DUOX2: variants seen among roughly 807,000 people sequenced by gnomAD.
DUOX2 encodes NADH/NADPH thyroid oxidase p138-tox.
Under a neutral mutation model 183.3 loss-of-function variants are expected in DUOX2, and 185 were observed. The ratio of observed to expected loss-of-function variants is 1.01; its 90% CI spans 0.90 to 1.14. The LOEUF is 1.14. Among genes scored for constraint, DUOX2 ranks in the 50% most tolerant of loss-of-function variants. The probability of loss-of-function intolerance (pLI) is 0.00; values close to 1 mark genes in which losing one functional copy is unlikely to be tolerated. For synonymous variants in DUOX2, 788 were observed against 812.4 expected (o/e 0.97, Z 0.51); for missense variants, 1,999 against 2,022.9 (o/e 0.99, Z 0.23).
In DUOX2 at chr15:45,105,797, C is replaced by T. The variant is rs988738888; in HGVS notation, c.2180G>A (p.Gly727Asp). Residue 727 changes from glycine (G) to aspartate (D), a missense_variant, in exon 18 of 34, where the codon GGC becomes GAC. Physicochemically the swap from Gly to Asp is moderately conservative, Grantham distance 94 (BLOSUM62 -1). Transcript: ENST00000389039. ...GTCCCATAGCTGCTGCACAAAGGCG[C>T]CCCGTTCCTCTTCAGAACTAAACAG... The part of the protein sequence containing the change: ...VLLFSSEEER[G>D]AFVQQLWDFC... 4.3e-6 allele frequency: 7 copies of T among 1,614,064 alleles called. No individual in the cohort carries two copies. Among genetic ancestry groups the T allele is most frequent in the African/African-American group, 2.7e-5 (2 of 74,940 alleles).
At position 45,092,950 on chromosome 15, in the gene DUOX2, A is replaced by G. The variant is rs938091037; in HGVS notation, c.*1200T>C. Reference sequence around the variant, plus strand: ...TAGGGGAGACGAAGTGGAAGGGGGTACAAGGGGAGTTTCTGGGGTGATGGA... The same window carrying G: ...TAGGGGAGACGAAGTGGAAGGGGGTGCAAGGGGAGTTTCTGGGGTGATGGA... On this transcript the variant is annotated 3_prime_UTR_variant, in exon 34 of 34. Transcript: ENST00000389039. The G allele has an allele frequency of 2.0e-5, 3 of 152,214 alleles. No individual in the cohort carries two copies. The East Asian group carries it at 5.8e-4, about 29-fold the overall frequency. The allele number at this position is 152,214 out of a possible 1,614,324, so 9.4% of individuals were successfully genotyped here.
Position 45,106,218 on chromosome 15 carries a change from G to A in DUOX2, c.2055C>T (p.Val685=). The part of the protein sequence containing the change: ...LNRHLTVLRV[V]QLQPLQQVNL... ...TGACCTGCTGCAGAGGCTGCAGCTG[G>A]ACCACACGGAGCACAGTGAGATGCC... The change falls in exon 17 of 34, where the codon GTC becomes GTT. Residue 685 remains valine, a synonymous_variant. Transcript: ENST00000389039. 6.2e-7 allele frequency: 1 copy of A among 1,614,132 alleles called. No homozygotes were observed.
chr15:45,095,871 A>C lies in DUOX2; in HGVS notation c.4037T>G (p.Ile1346Ser). 1 of 1,613,862 alleles carries C rather than the reference A, an allele frequency of 6.2e-7. No homozygotes were observed. Among genetic ancestry groups the C allele is most frequent in the Non-Finnish European group, 8.5e-7 (1 of 1,179,982 alleles). ...VGPWTTRLRE[I>S]YSSPKGNGCA... ...GCCATTGCCCTTTGGGGATGAGTAGATCTCCCTGAGGCGAGTGGTCCAGGG... is the reference window on the plus strand; with the variant it reads ...GCCATTGCCCTTTGGGGATGAGTAGCTCTCCCTGAGGCGAGTGGTCCAGGG... Residue 1346 changes from isoleucine to serine, a missense_variant, in exon 30 of 34, where the codon ATC becomes AGC. Physicochemically the swap from Ile to Ser is moderately radical, Grantham distance 142. Around this residue, in one of 3 missense-constraint regions of DUOX2, gnomAD observed 1,628 missense variants for 1,608.6 expected, o/e 1.01. Transcript: ENST00000389039.
At chr15:45,099,969 C>G (rs1355535084) in intron 24 of DUOX2, 77 bp from the exon 25 acceptor site, 2 of 1,612,520 alleles carry the variant, frequency 1.2e-6, no homozygotes, top group East Asian at 4.5e-5. Flanking sequence ...CATGCAGACT[C>G]TTAGGATCAG....
chr15:45,108,191 T>G lies in DUOX2; in HGVS notation c.1430A>C (p.Gln477Pro). 6.2e-7 allele frequency: 1 copy of G among 1,614,196 alleles called. No individual in the cohort carries two copies. The highest frequency in any genetic ancestry group is 8.5e-7 in the Non-Finnish European group (1 of 1,180,022). Residue 477 changes from glutamine (Q) to proline (P), a missense_variant, in exon 13 of 34, where the codon CAG becomes CCG. Gln to Pro is a moderately conservative substitution (Grantham distance 76). Around this residue, in one of 3 missense-constraint regions of DUOX2, gnomAD observed 1,628 missense variants for 1,608.6 expected, o/e 1.01. Coordinates refer to ENST00000389039, the MANE Select transcript of DUOX2 (RefSeq NM_001363711.2). Reference sequence around the variant, plus strand: ...GAGCAGCTCTAGCTGGGATAGGTCCTGGTTGTACAGGGCAGCTGTGGCCTC... The same window carrying G: ...GAGCAGCTCTAGCTGGGATAGGTCCGGGTTGTACAGGGCAGCTGTGGCCTC... ...VLEATAALYN[Q>P]DLSQLELLLG...
intron 29 of DUOX2, among the ~76,000 whole-genome samples, chr15:45,096,801 CT>C (rs1454215722): frequency 6.6e-6 from 1 of 152,178 alleles, no homozygotes; most frequent in Non-Finnish European, 1.5e-5. Flanking sequence ...TTTTGCCACC[CT>C]CTATGATGAT....
Position 45,112,722 on chromosome 15 carries a change from C to A in DUOX2, c.161-4G>T, listed in dbSNP as rs764099662. The stretch of plus-strand genomic sequence containing the variant: ...ACGCGGCGCTGCAACCGGCAGCCTG[C>A]GGAGGCAGGGAGCGGGGCTCTGTCT... On this transcript the variant is annotated splice_region_variant and splice_polypyrimidine_tract_variant and intron_variant, in intron 3 of 33. Coordinates refer to ENST00000389039, the MANE Select transcript of DUOX2 (RefSeq NM_001363711.2). 4 of 1,611,144 alleles carry A rather than the reference C, an allele frequency of 2.5e-6. No individual in the cohort carries two copies. Among genetic ancestry groups the A allele is most frequent in the African/African-American group, 1.3e-5 (1 of 75,034 alleles).
Position 45,111,587 on chromosome 15 carries a change from T to C in DUOX2, c.514-2A>G. ...CAGCCAGCCCGTCACCTGGTTGGCC[T>C]GCGGGGCACGCGGCGGGTGAGCCCG... is the stretch of plus-strand genomic sequence containing the variant. On this transcript the variant is annotated splice_acceptor_variant, in intron 5 of 33. Transcript: ENST00000389039. LOFTEE classifies it high-confidence loss of function. The C allele has an allele frequency of 6.5e-7, 1 of 1,534,742 alleles. No homozygotes were observed. The highest frequency in any genetic ancestry group is 8.7e-7 in the Non-Finnish European group (1 of 1,145,698).
rs1235893492 is a variant in DUOX2, at chr15:45,114,055, C to A, written c.-97G>T. 4.8e-6 allele frequency: 1 copy of A among 207,846 alleles called. No individual in the cohort carries two copies. Among genetic ancestry groups the A allele is most frequent in the Non-Finnish European group, 9.9e-6 (1 of 101,454 alleles). The allele number at this position is 207,846 out of a possible 1,614,324, so 12.9% of individuals were successfully genotyped here. Reference sequence around the variant, plus strand: ...TCTGTGCTCTACTTCTTGCCTTCACCCTCACTCTTCCAGCTCCGCCGATCC... The same window carrying A: ...TCTGTGCTCTACTTCTTGCCTTCACACTCACTCTTCCAGCTCCGCCGATCC... On this transcript the variant is annotated 5_prime_UTR_variant, in exon 1 of 34. Coordinates refer to ENST00000389039, the MANE Select transcript of DUOX2 (RefSeq NM_001363711.2).
At chr15:45,097,090 G>A (rs1490359984) in intron 29 of DUOX2, 148 bp downstream of exon 29, 1 of 1,200,650 alleles carries the variant, frequency 8.3e-7, no homozygotes, top group Non-Finnish European at 1.2e-6. Flanking sequence ...AAACCTTCAG[G>A]AACCCCCGAG....
At position 45,106,904 on chromosome 15, in the gene DUOX2, C is replaced by G. The variant is rs543400059; in HGVS notation, c.1759G>C (p.Val587Leu). The change falls in exon 15 of 34, where the codon GTG becomes CTG. Residue 587 changes from valine (V) to leucine (L), a missense_variant. Val to Leu is a conservative substitution (Grantham distance 32). Around this residue, in one of 3 missense-constraint regions of DUOX2, gnomAD observed 1,628 missense variants for 1,608.6 expected, o/e 1.01. Transcript: ENST00000389039. ...DGLPQCAPLT[V>L]LDFFEGSSPG... ...CTGCTGCCTTCAAAGAAGTCAAGCA[C>G]AGTCAGGGGTGCACACTGGGGCAGG... 1 of 1,583,902 alleles carries G rather than the reference C, an allele frequency of 6.3e-7. No individual in the cohort carries two copies. The highest frequency in any genetic ancestry group is 1.3e-5 in the African/African-American group (1 of 74,924).
chr15:45,094,378 C>T, intron 33 of DUOX2, 106 bp from the exon 34 acceptor site: 3 of 1,580,758 alleles, frequency 1.9e-6, no homozygotes, highest in Non-Finnish European at 2.6e-6. Flanking sequence ...GGCTTCAAGC[C>T]CAGGCCTTGA....
rs917771253 is a variant in DUOX2, at chr15:45,108,727, G to A, written c.1398+62C>T. The A allele has an allele frequency of 3.9e-6, 6 of 1,544,582 alleles. No homozygotes were observed. In the African/African-American group the frequency reaches 6.8e-5, roughly 18 times the overall value. ...TTAAATGAGTCAACATATGTAAAGG[G>A]TTTGGAACAGTATTGCCATAGGAAA... On this transcript the variant is annotated intron_variant, in intron 12 of 33. Coordinates refer to ENST00000389039, the MANE Select transcript of DUOX2 (RefSeq NM_001363711.2).
Position 45,106,135 on chromosome 15 carries a change from T to G in DUOX2, c.2138A>C (p.Glu713Ala). Residue 713 changes from glutamate (E) to alanine (A), a missense_variant, in exon 17 of 34, where the codon GAG becomes GCG. Physicochemically the swap from Glu to Ala is moderately radical, Grantham distance 107. Around this residue, in one of 3 missense-constraint regions of DUOX2, gnomAD observed 1,628 missense variants for 1,608.6 expected, o/e 1.01. Coordinates refer to ENST00000389039, the MANE Select transcript of DUOX2 (RefSeq NM_001363711.2). The part of the protein sequence containing the change: ...CRTLLLKIPK[E>A]YDLVLLFSSE... The stretch of plus-strand genomic sequence containing the variant: ...CAGGACGAGCCATACCAGGTCATAC[T>G]CCTTAGGGATCTTGAGCAGCAGGGT... The G allele has an allele frequency of 6.2e-7, 1 of 1,614,178 alleles. No homozygotes were observed. The highest frequency in any genetic ancestry group is 8.5e-7 in the Non-Finnish European group (1 of 1,180,020).
At chr15:45,112,064 C>G in intron 4 of DUOX2, 109 bp from the exon 5 acceptor site, 4 of 1,335,340 alleles carry the variant, frequency 3.0e-6, no homozygotes, top group East Asian at 5.0e-5. Context: ...GGTCCCAGTG[C>G]CAGCTCCGCC....
rs1473479170 is a variant in DUOX2, at chr15:45,108,940, C to T, written c.1247G>A (p.Gly416Asp). 1 of 1,614,198 alleles carries T rather than the reference C, an allele frequency of 6.2e-7. No individual in the cohort carries two copies. The highest frequency in any genetic ancestry group is 1.1e-5 in the South Asian group (1 of 91,080). ...VVEDLRDYWP[G>D]PGKFSRTDYV... ...GTCTGTACGGGAGAATTTGCCAGGG[C>T]CAGGCCAGTAATCTGAAGAGGAGAG... The change falls in exon 12 of 34, where the codon GGC becomes GAC. Residue 416 changes from glycine (G) to aspartate (D), a missense_variant. By Grantham distance (94) the Gly-to-Asp change is moderately conservative. This residue lies in a region of DUOX2 where 1,628 missense variants were observed against 1,608.6 expected (regional missense o/e 1.01). Coordinates refer to ENST00000389039, the MANE Select transcript of DUOX2 (RefSeq NM_001363711.2).
intron 13 of DUOX2, 74 bp from the exon 14 acceptor site, chr15:45,107,537 C>T (rs1413128255): frequency 2.0e-6 from 3 of 1,513,378 alleles, no homozygotes; most frequent in Non-Finnish European, 1.8e-6. Context: ...GCCCAAGGAC[C>T]CAGGTGAGAA....
chr15:45,099,974 G>C, intron 24 of DUOX2, 76 bp downstream of exon 24: 1 of 1,610,898 alleles, frequency 6.2e-7, no homozygotes, highest in South Asian at 1.1e-5. Flanking sequence ...AGACTCTTAG[G>C]ATCAGAGGGC....
intron 12 of DUOX2, chr15:45,108,518 T>TGCA: frequency 1.7e-6 from 1 of 602,330 alleles, no homozygotes; most frequent in South Asian, 2.0e-5. Context: ...GGTGGGACCC[T>TGCA]GCAGCAACAG....
Sources: allele counts gnomAD v4.1 joint callset (sites outside exome capture counted in the v4.1 genomes callset), GRCh38; gene constraint gnomAD v4.1.1; regional missense constraint gnomAD v4.1.1; transcripts MANE v1.5; gene names NCBI Gene and HGNC (gene_info 2026-07-23, HGNC 2026-07-21).